The following GLI3 variants were observed in gnomAD, a reference collection of about 807,000 sequenced individuals.
The protein encoded by GLI3 is transcription activator GLI3.
GLI3 carries 20 observed loss-of-function variants against 100.8 expected under a neutral mutation model. The ratio of observed to expected loss-of-function variants is 0.20; its 90% CI spans 0.14 to 0.29. The LOEUF (loss-of-function observed/expected upper bound fraction) is 0.29. GLI3 is among the 10% of genes least tolerant of loss of function. GLI3 has a pLI of 1.00. For missense variants in GLI3, 2,040 were observed against 2,128.5 expected, an observed-to-expected ratio of 0.96 and a Z score of 0.82; for synonymous variants, 938 against 860.5, an observed-to-expected ratio of 1.09 and a Z score of -1.58.
In GLI3 at chr7:41,965,264, C is replaced by T. The variant is rs778732599; in HGVS notation, c.3809G>A (p.Gly1270Asp). The change falls in exon 15 of 15, where the codon GGT becomes GAT. Residue 1270 changes from glycine to aspartate, a missense_variant. Gly to Asp is a moderately conservative substitution (Grantham distance 94). Coordinates refer to ENST00000395925, the MANE Select transcript of GLI3 (RefSeq NM_000168.6). ...RQPVAPGALD[G>D]ACGAGIQASK... is the part of the protein sequence containing the mutation. ...GGCTTGAATCCCGGCACCACAGGCA[C>T]CGTCGAGTGCACCAGGGGCCACTGG... 7 of 1,613,582 alleles carry T rather than the reference C, an allele frequency of 4.3e-6. No individual in the cohort carries two copies. Among genetic ancestry groups the T allele is most frequent in the South Asian group, 1.1e-5 (1 of 91,068 alleles).
At chr7:42,142,680 T>G (rs1786597237) in intron 3 of GLI3, among the ~76,000 whole-genome samples, 1 of 151,988 alleles carries the variant, frequency 6.6e-6, no homozygotes, top group Non-Finnish European at 1.5e-5. Flanking sequence ...TCCCTAAATC[T>G]GTATTGCTTT....
chr7:42,050,083 G>T (rs1003741676), intron 4 of GLI3, among the ~76,000 whole-genome samples: 11 of 152,114 alleles, frequency 7.2e-5, no homozygotes, highest in African/African-American at 2.7e-4. Flanking sequence ...ATCAGATAAT[G>T]AATTTTCTCT....
chr7:42,234,507 C>T (rs1788752752), intron 1 of GLI3, among the ~76,000 whole-genome samples: 1 of 152,146 alleles, frequency 6.6e-6, no homozygotes, highest in Admixed American at 6.5e-5. Flanking sequence ...CTCTACAGAG[C>T]CATTTTTCAT....
chr7:42,253,104 C>A (rs142441160), intron 1 of GLI3, among the ~76,000 whole-genome samples: 32 of 152,302 alleles, frequency 2.1e-4, no homozygotes, highest in Non-Finnish European at 4.4e-4. Context: ...TTAGGGCAGA[C>A]GCCTTGTAGC....
chr7:42,037,260 C>T (rs1253348720), intron 7 of GLI3, among the ~76,000 whole-genome samples: 2 of 152,184 alleles, frequency 1.3e-5, no homozygotes, highest in South Asian at 2.1e-4. Context: ...AGAGGCTAAA[C>T]GCACCTGAAG....
chr7:42,142,150 T>C (rs1405417273), intron 3 of GLI3, among the ~76,000 whole-genome samples: 1 of 152,202 alleles, frequency 6.6e-6, no homozygotes, highest in Non-Finnish European at 1.5e-5. Flanking sequence ...CCTTGTAAGA[T>C]GGCTCTTAGA....
intron 3 of GLI3, among the ~76,000 whole-genome samples, chr7:42,105,107 A>G (rs939106922): frequency 6.6e-6 from 1 of 152,240 alleles, no homozygotes; most frequent in African/African-American, 2.4e-5. Context: ...GGGTTCAAAC[A>G]GAATAAATAA....
chr7:42,229,237 CTCTCT>C (rs773910827), intron 1 of GLI3, among the ~76,000 whole-genome samples: 1 of 152,158 alleles, frequency 6.6e-6, no homozygotes, highest in Non-Finnish European at 1.5e-5. Flanking sequence ...TGGGCAAAAA[CTCTCT>C]TCTCTTTTTT....
intron 1 of GLI3, among the ~76,000 whole-genome samples, chr7:42,246,676 A>G (rs1266112550): frequency 1.3e-5 from 2 of 152,190 alleles, no homozygotes; most frequent in African/African-American, 2.4e-5. Flanking sequence ...AACCAAGGGA[A>G]TCTCCAAGGT....
chr7:42,220,298 A>G (rs1355198318), intron 2 of GLI3, among the ~76,000 whole-genome samples: 1 of 152,218 alleles, frequency 6.6e-6, no homozygotes, highest in African/African-American at 2.4e-5. Flanking sequence ...TTCTACGAAT[A>G]GCGTCAGTGC....
chr7:42,263,092 T>C (rs1278583120), intron 1 of GLI3, among the ~76,000 whole-genome samples: 1 of 152,210 alleles, frequency 6.6e-6, no homozygotes, highest in Non-Finnish European at 1.5e-5. Context: ...GCCATCGCCA[T>C]GGTGACCCAC....
At chr7:42,247,291 C>T (rs754170401) in intron 1 of GLI3, among the ~76,000 whole-genome samples, 2 of 152,180 alleles carry the variant, frequency 1.3e-5, no homozygotes, top group South Asian at 2.1e-4. Context: ...CTGCAACCAC[C>T]GATGTCCTTC....
intron 3 of GLI3, among the ~76,000 whole-genome samples, chr7:42,096,279 C>G (rs966984280): frequency 6.6e-6 from 1 of 152,094 alleles, no homozygotes; most frequent in South Asian, 2.1e-4. Flanking sequence ...AGGAGAGTAC[C>G]GATGGAGTCA....
At chr7:42,023,947 C>T in intron 9 of GLI3, among the ~76,000 whole-genome samples, 1 of 151,896 alleles carries the variant, frequency 6.6e-6, no homozygotes, top group East Asian at 1.9e-4. Flanking sequence ...AAACAAAAAA[C>T]AAAACAAAGC....
intron 5 of GLI3, among the ~76,000 whole-genome samples, chr7:42,045,846 T>C (rs1784234214): frequency 6.6e-6 from 1 of 152,198 alleles, no homozygotes; most frequent in South Asian, 2.1e-4. Context: ...CCAAATAAAA[T>C]CATTTTTATA....
At chr7:42,063,744 C>T (rs1434516919) in intron 4 of GLI3, among the ~76,000 whole-genome samples, 1 of 152,140 alleles carries the variant, frequency 6.6e-6, no homozygotes, top group Non-Finnish European at 1.5e-5. Context: ...GTGTTAAGTG[C>T]TATATATATG....
At chr7:42,240,018 A>G (rs932206134), upstream of GLI3, among the ~76,000 whole-genome samples, 3 of 152,050 alleles carry the variant, frequency 2.0e-5, no homozygotes, top group Non-Finnish European at 2.9e-5. Context: ...TCGGAGCCCA[A>G]TCCCCCTAAG....
At chr7:42,172,747 C>T in intron 2 of GLI3, 5 of 650,378 alleles carry the variant, frequency 7.7e-6, no homozygotes, top group Non-Finnish European at 8.4e-6. Flanking sequence ...GTAAAGTTAA[C>T]ACATTTCATT....
intron 1 of GLI3, among the ~76,000 whole-genome samples, chr7:42,258,981 A>C (rs1789112997): frequency 6.6e-6 from 1 of 152,072 alleles, no homozygotes; most frequent in African/African-American, 2.4e-5. Context: ...AAATTGTCTG[A>C]ACTAGTTTGT....
Sources: gnomAD v4.1 joint callset for allele counts (sites outside exome capture counted in the v4.1 genomes callset) on GRCh38, gnomAD v4.1.1 for gene constraint, MANE v1.5 for transcripts, NCBI Gene and HGNC (gene_info 2026-07-23, HGNC 2026-07-21) for gene names.